FAT3: variants seen among roughly 807,000 people sequenced by gnomAD.
FAT3 encodes the protein FAT atypical cadherin 3.
In FAT3, 95 loss-of-function variants were observed where a neutral mutation model predicts 310.2. The ratio of observed to expected loss-of-function variants is 0.31; its 90% CI spans 0.26 to 0.36. FAT3 has a LOEUF of 0.36. Among genes scored for constraint, FAT3 ranks in the 10% least tolerant of loss-of-function variants. The pLI, the probability that FAT3 is intolerant of heterozygous loss-of-function variation, is 1.00. For missense variants in FAT3, 5,408 were observed against 5,715.6 expected (o/e 0.95, Z 1.74); for synonymous variants, 2,314 against 2,192.9 (o/e 1.06, Z -1.54).
At chr11:92,365,209 G>A (rs906112182) in intron 2 of FAT3, among the ~76,000 whole-genome samples, 2 of 152,156 alleles carry the variant, frequency 1.3e-5, no homozygotes, top group Admixed American at 1.3e-4. Flanking sequence ...GGTTGAGGGT[G>A]CAGTGAGCCA....
At chr11:92,319,583 G>A (rs1947555198) in intron 1 of FAT3, among the ~76,000 whole-genome samples, 1 of 152,094 alleles carries the variant, frequency 6.6e-6, no homozygotes, top group Non-Finnish European at 1.5e-5. Context: ...CTTATGTCCT[G>A]TGCAAAGTGT....
Position 92,450,968 on chromosome 11 carries a change from A to G in FAT3, c.3293-73666A>G, listed in dbSNP as rs982640228. On this transcript the variant is annotated intron_variant, in intron 2 of 27. Transcript: ENST00000525166. Reference sequence around the variant, plus strand: ...CTGATCTTTACTGGTCAGGCTTGAAATTTAGTTTCAAGATAATTTTCCCAG... The same window carrying G: ...CTGATCTTTACTGGTCAGGCTTGAAGTTTAGTTTCAAGATAATTTTCCCAG... Among the ~76,000 whole-genome samples, 18 of 152,272 alleles carry G rather than the reference A, an allele frequency of 1.2e-4. 1 individual carries two copies. Among genetic ancestry groups the G allele is most frequent in the Middle Eastern group, 6.8e-3 (2 of 294 alleles).
At chr11:92,577,258 G>A (rs377312137) in intron 3 of FAT3, among the ~76,000 whole-genome samples, 1 of 151,626 alleles carries the variant, frequency 6.6e-6, no homozygotes, top group Admixed American at 6.6e-5. Context: ...ACAGGCGGTC[G>A]CCAACATGCC....
At chr11:92,596,987 C>G (rs888515089) in intron 3 of FAT3, among the ~76,000 whole-genome samples, 2 of 152,176 alleles carry the variant, frequency 1.3e-5, no homozygotes, top group African/African-American at 4.8e-5. Context: ...ATCATCTCCA[C>G]AGACCCCACC....
At chr11:92,408,766 T>A (rs945756390) in intron 2 of FAT3, among the ~76,000 whole-genome samples, 1 of 152,078 alleles carries the variant, frequency 6.6e-6, no homozygotes, top group South Asian at 2.1e-4. Context: ...AGTGGTGATG[T>A]TGAGAAAATG....
chr11:92,476,965 T>G (rs1254580403), intron 2 of FAT3, among the ~76,000 whole-genome samples: 1 of 152,188 alleles, frequency 6.6e-6, no homozygotes, highest in Non-Finnish European at 1.5e-5. Context: ...AGTTGTTTAA[T>G]TCCGTCCAGA....
At chr11:92,283,459 C>T (rs1416685482) in intron 1 of FAT3, among the ~76,000 whole-genome samples, 1 of 152,158 alleles carries the variant, frequency 6.6e-6, no homozygotes, top group East Asian at 1.9e-4. Flanking sequence ...CTCTGTAACA[C>T]CTCCTAGATT....
rs1372253726 is a variant in FAT3 at position 92,896,319 on chromosome 11, A to G, written c.*5206A>G. The G allele has an allele frequency of 6.6e-6, 1 of 151,336 alleles. No homozygotes were observed. The highest frequency in any genetic ancestry group is 1.5e-5 in the Non-Finnish European group (1 of 67,834). 9.4% of individuals were successfully genotyped at this position (151,336 alleles called of 1,614,324 possible). ...TGTTCTTTTTCTAAAAAAAAAGAAA[A>G]GAAAAGAAAAAAAAAACAAAAGCAA... On this transcript the variant is annotated 3_prime_UTR_variant, in exon 28 of 28. Coordinates refer to ENST00000525166, the MANE Select transcript of FAT3 (RefSeq NM_001367949.2).
intron 1 of FAT3, among the ~76,000 whole-genome samples, chr11:92,275,177 C>T (rs937127549): frequency 9.9e-5 from 15 of 152,038 alleles, no homozygotes; most frequent in African/African-American, 3.6e-4. Context: ...GTCACGGGTG[C>T]CATAATCCTA....
At chr11:92,747,238 A>G (rs1945697820) in intron 4 of FAT3, among the ~76,000 whole-genome samples, 1 of 152,258 alleles carries the variant, frequency 6.6e-6, no homozygotes, top group Non-Finnish European at 1.5e-5. Context: ...AGAAGATTCC[A>G]AACCTCAGTT....
chr11:92,625,038 A>G (rs976757708), intron 3 of FAT3, among the ~76,000 whole-genome samples: 1 of 152,072 alleles, frequency 6.6e-6, no homozygotes, highest in Non-Finnish European at 1.5e-5. Flanking sequence ...TAATTTGATA[A>G]CCTCTGTAGA....
intron 4 of FAT3, among the ~76,000 whole-genome samples, chr11:92,731,056 C>G (rs867200534): frequency 5.5e-4 from 83 of 152,168 alleles, no homozygotes; most frequent in African/African-American, 1.9e-3. Context: ...TTTATTGAAG[C>G]AAAATGTTTC....
At chr11:92,518,522 GC>G (rs1410993258) in intron 2 of FAT3, among the ~76,000 whole-genome samples, 2 of 152,066 alleles carry the variant, frequency 1.3e-5, no homozygotes, top group African/African-American at 4.8e-5. Flanking sequence ...GGAGTGGGGG[GC>G]TAGGGGAGAG....
chr11:92,569,186 A>G (rs988351926), intron 3 of FAT3, among the ~76,000 whole-genome samples: 2 of 152,172 alleles, frequency 1.3e-5, no homozygotes, highest in Non-Finnish European at 2.9e-5. Flanking sequence ...TCCCTGCTCT[A>G]CTGCATACTA....
chr11:92,504,359 A>G (rs1183572890), intron 2 of FAT3, among the ~76,000 whole-genome samples: 1 of 152,076 alleles, frequency 6.6e-6, no homozygotes, highest in Non-Finnish European at 1.5e-5. Context: ...TAGCATTTGA[A>G]ACCTCTCTGG....
At chr11:92,339,641 G>T (rs547508800) in intron 1 of FAT3, among the ~76,000 whole-genome samples, 2 of 152,256 alleles carry the variant, frequency 1.3e-5, no homozygotes, top group East Asian at 3.9e-4. Context: ...ACATAAATCT[G>T]TCCTGAGGAA....
intron 1 of FAT3, among the ~76,000 whole-genome samples, chr11:92,328,236 C>T (rs559420155): frequency 4.6e-5 from 7 of 152,266 alleles, no homozygotes; most frequent in African/African-American, 7.2e-5. Context: ...ACTCTGAACA[C>T]GAAATCATAC....
intron 1 of FAT3, among the ~76,000 whole-genome samples, chr11:92,342,221 C>T (rs1948282736): frequency 6.6e-6 from 1 of 152,128 alleles, no homozygotes. Flanking sequence ...CTTGGCGTTT[C>T]CATTCTTTGG....
intron 3 of FAT3, among the ~76,000 whole-genome samples, chr11:92,684,931 T>C (rs1427308777): frequency 6.6e-6 from 1 of 152,214 alleles, no homozygotes; most frequent in Non-Finnish European, 1.5e-5. Context: ...TCTTGCTAGA[T>C]TCTTAGTAGA....
Sources: allele counts gnomAD v4.1 joint callset (sites outside exome capture counted in the v4.1 genomes callset), GRCh38; gene constraint gnomAD v4.1.1; transcripts MANE v1.5; gene names NCBI Gene and HGNC (gene_info 2026-07-23, HGNC 2026-07-21).